The following SPPL3 variants were observed in gnomAD, a reference collection of about 807,000 sequenced individuals.
SPPL3 encodes signal peptide peptidase like 3.
In SPPL3, 5 loss-of-function variants were observed where a neutral mutation model predicts 42.4. The observed-to-expected ratio is 0.12, with a 90% CI of 0.06 to 0.25. The LOEUF (loss-of-function observed/expected upper bound fraction) is 0.25, where lower values mean the gene tolerates loss of function less well. SPPL3 is among the 10% of genes least tolerant of loss of function. The pLI is 1.00. For missense variants in SPPL3, 235 were observed against 489.0 expected (o/e 0.48, Z 4.90); for synonymous variants, 195 against 181.8 (o/e 1.07, Z -0.58).
At chr12:120,803,013 A>AACTT (rs1870370682) in intron 2 of SPPL3, among the ~76,000 whole-genome samples, 1 of 152,230 alleles carries the variant, frequency 6.6e-6, no homozygotes, top group African/African-American at 2.4e-5. Context: ...GAGATGAATG[A>AACTT]ACTTAACATT....
chr12:120,865,737 G>A (rs1171431488), intron 1 of SPPL3, among the ~76,000 whole-genome samples: 1 of 152,194 alleles, frequency 6.6e-6, no homozygotes, highest in Non-Finnish European at 1.5e-5. Flanking sequence ...AAGCTAGCCT[G>A]GAAGAATCAC....
chr12:120,869,800 G>A (rs968079040), intron 1 of SPPL3, among the ~76,000 whole-genome samples: 8 of 152,144 alleles, frequency 5.3e-5, no homozygotes, highest in African/African-American at 1.7e-4. Flanking sequence ...ACAAATATAT[G>A]TGATTAAACA....
intron 1 of SPPL3, among the ~76,000 whole-genome samples, chr12:120,884,377 A>C (rs1207286973): frequency 6.6e-6 from 1 of 152,142 alleles, no homozygotes; most frequent in African/African-American, 2.4e-5. Context: ...GCACAGTATA[A>C]ACCTGTTCCT....
intron 1 of SPPL3, among the ~76,000 whole-genome samples, chr12:120,861,994 T>G (rs1872629684): frequency 6.6e-6 from 1 of 152,072 alleles, no homozygotes; most frequent in South Asian, 2.1e-4. Context: ...CAATAGTAAA[T>G]AAGTGAACAT....
At chr12:120,823,457 C>T (rs945128069) in intron 1 of SPPL3, among the ~76,000 whole-genome samples, 3 of 152,100 alleles carry the variant, frequency 2.0e-5, no homozygotes, top group African/African-American at 7.2e-5. Context: ...TTGATATCCC[C>T]GCTCCCCTTG....
intron 1 of SPPL3, among the ~76,000 whole-genome samples, chr12:120,855,474 G>C (rs1399642551): frequency 6.6e-6 from 1 of 152,068 alleles, no homozygotes; most frequent in Non-Finnish European, 1.5e-5. Context: ...GGTCACATGA[G>C]GTCACGAGTT....
At chr12:120,864,771 CGCA>C (rs1872712104) in intron 1 of SPPL3, among the ~76,000 whole-genome samples, 2 of 152,206 alleles carry the variant, frequency 1.3e-5, no homozygotes, top group Admixed American at 1.3e-4. Flanking sequence ...TACTTCAACA[CGCA>C]GCAGAAGTGC....
chr12:120,894,493 A>G (rs372304147), intron 1 of SPPL3, among the ~76,000 whole-genome samples: 1 of 152,244 alleles, frequency 6.6e-6, no homozygotes, highest in East Asian at 1.9e-4. Flanking sequence ...CAGGCACTGT[A>G]CGTAGGTCAC....
At chr12:120,822,218 A>C (rs994277936) in intron 1 of SPPL3, among the ~76,000 whole-genome samples, 17 of 152,196 alleles carry the variant, frequency 1.1e-4, no homozygotes, top group African/African-American at 3.9e-4. Flanking sequence ...AATGTTACTG[A>C]ACTGTACACT....
chr12:120,819,405 T>C (rs1006255693), intron 1 of SPPL3, among the ~76,000 whole-genome samples: 2 of 152,196 alleles, frequency 1.3e-5, no homozygotes, highest in African/African-American at 2.4e-5. Flanking sequence ...AAAAATCATA[T>C]TGTTAGTACC....
intron 1 of SPPL3, among the ~76,000 whole-genome samples, chr12:120,853,983 TACACACACAC>T (rs58246859): frequency 0.014 from 1,810 of 130,286 alleles, 31 homozygotes; most frequent in African/African-American, 0.043. Context: ...CACGCACACA[TACACACACAC>T]ACACACACAC....
chr12:120,823,503 A>T (rs1283429407), intron 1 of SPPL3, among the ~76,000 whole-genome samples: 1 of 149,078 alleles, frequency 6.7e-6, no homozygotes, highest in Non-Finnish European at 1.5e-5. Context: ...CCTTTTCTTG[A>T]AACAATTTTA....
rs1295573586 is a variant in SPPL3, at chr12:120,766,382, G to C, written c.974-10C>G. 1 of 1,569,474 alleles carries C rather than the reference G, an allele frequency of 6.4e-7. No individual in the cohort carries two copies. The highest frequency in any genetic ancestry group is 2.3e-5 in the East Asian group (1 of 43,382). ...GTAGCAGTGAGCAGGCCTGTGAGGA[G>C]AGAGAGGCATCTGTGAGACACGAGA... On this transcript the variant is annotated splice_polypyrimidine_tract_variant and intron_variant, in intron 9 of 10. Coordinates refer to ENST00000353487, the MANE Select transcript of SPPL3 (RefSeq NM_139015.5).
At chr12:120,767,349 G>A (rs771150040) in intron 9 of SPPL3, 45 bp downstream of exon 9, 7 of 1,582,516 alleles carry the variant, frequency 4.4e-6, no homozygotes, top group Non-Finnish European at 6.0e-6. Context: ...AAGGTTGGAG[G>A]ACAGCCAGAG....
intron 3 of SPPL3, among the ~76,000 whole-genome samples, chr12:120,785,486 C>T (rs1869690587): frequency 6.6e-6 from 1 of 151,892 alleles, no homozygotes; most frequent in South Asian, 2.1e-4. Flanking sequence ...TATTTTGCAT[C>T]TAGGGTTGAG....
chr12:120,788,181 G>A (rs1159407525), intron 3 of SPPL3, among the ~76,000 whole-genome samples: 1 of 152,182 alleles, frequency 6.6e-6, no homozygotes, highest in Non-Finnish European at 1.5e-5. Flanking sequence ...CACTGGGAAT[G>A]GTCAAGGTTT....
chr12:120,797,388 T>TTGACGGGAAAATAAGTA (rs1325531707), intron 2 of SPPL3, among the ~76,000 whole-genome samples: 2 of 152,322 alleles, frequency 1.3e-5, no homozygotes, highest in African/African-American at 2.4e-5. Context: ...TTAAGATAGT[T>TTGACGGGAAAATAAGTA]TGACGGGAAA....
At chr12:120,790,585 C>G (rs1224079046) in intron 3 of SPPL3, among the ~76,000 whole-genome samples, 2 of 152,208 alleles carry the variant, frequency 1.3e-5, no homozygotes, top group African/African-American at 4.8e-5. Context: ...AATCCACATT[C>G]ACTAAGTCAA....
At chr12:120,784,216 T>C (rs1869637395) in intron 4 of SPPL3, 2 of 313,546 alleles carry the variant, frequency 6.4e-6, no homozygotes, top group African/African-American at 4.4e-5. Flanking sequence ...ACTGCTCTGG[T>C]GTCATAGAAT....
Sources: allele counts gnomAD v4.1 joint callset (sites outside exome capture counted in the v4.1 genomes callset), GRCh38; gene constraint gnomAD v4.1.1; transcripts MANE v1.5; gene names NCBI Gene and HGNC (gene_info 2026-07-23, HGNC 2026-07-21).